The following AGBL4 variants were observed in gnomAD, a reference collection of about 807,000 sequenced individuals.
AGBL4 encodes the protein cytosolic carboxypeptidase 6.
A neutral mutation model predicts 66.4 loss-of-function variants in AGBL4; 58 were observed. The observed-to-expected ratio is 0.87, with a 90% CI of 0.71 to 1.09. The LOEUF (loss-of-function observed/expected upper bound fraction) is 1.09, where lower values mean the gene tolerates loss of function less well. Ranked by LOEUF, AGBL4 falls within the 50% of genes least tolerant of loss-of-function variation. The pLI is 0.00. For synonymous variants in AGBL4, 234 were observed against 222.9 expected (o/e 1.05, Z -0.44); for missense variants, 579 against 631.0 (o/e 0.92, Z 0.88).
intron 3 of AGBL4, among the ~76,000 whole-genome samples, chr1:49,641,588 T>C (rs532406488): frequency 6.6e-6 from 1 of 152,242 alleles, no homozygotes; most frequent in South Asian, 2.1e-4. Context: ...ACAGTGGTTA[T>C]ATGGTCAGAC....
intron 5 of AGBL4, among the ~76,000 whole-genome samples, chr1:49,006,210 T>C (rs900480581): frequency 6.6e-6 from 1 of 152,066 alleles, no homozygotes; most frequent in South Asian, 2.1e-4. Flanking sequence ...ATTGCCTCAC[T>C]CGGGAAGCGC....
intron 5 of AGBL4, among the ~76,000 whole-genome samples, chr1:48,998,587 T>C (rs1265172212): frequency 1.3e-5 from 2 of 152,186 alleles, no homozygotes; most frequent in African/African-American, 4.8e-5. Context: ...TGGGCTTTCT[T>C]TGTGAACTCT....
At chr1:48,845,994 G>A (rs778397141) in intron 6 of AGBL4, among the ~76,000 whole-genome samples, 3 of 152,156 alleles carry the variant, frequency 2.0e-5, no homozygotes, top group Admixed American at 6.5e-5. Flanking sequence ...ATCTGGTCTA[G>A]TGGAGGCCAA....
chr1:49,400,059 G>C (rs747258819), intron 3 of AGBL4, among the ~76,000 whole-genome samples: 1 of 152,028 alleles, frequency 6.6e-6, no homozygotes, highest in Non-Finnish European at 1.5e-5. Flanking sequence ...GATGAGACTG[G>C]TGAGATATGG....
At chr1:49,380,093 T>C (rs1644565481) in intron 3 of AGBL4, among the ~76,000 whole-genome samples, 1 of 152,148 alleles carries the variant, frequency 6.6e-6, no homozygotes, top group Non-Finnish European at 1.5e-5. Context: ...ATTGTATATC[T>C]AGAAAACCCC....
chr1:48,860,632 T>C (rs1647383870), intron 6 of AGBL4, among the ~76,000 whole-genome samples: 1 of 152,168 alleles, frequency 6.6e-6, no homozygotes. Context: ...ATTGTAGGTA[T>C]AGAGAGGTGA....
chr1:48,895,287 G>A (rs936376459), intron 5 of AGBL4, among the ~76,000 whole-genome samples: 1 of 152,190 alleles, frequency 6.6e-6, no homozygotes, highest in East Asian at 1.9e-4. Context: ...CTTGTTGACC[G>A]TCAGGCATGG....
chr1:49,786,640 G>C (rs750331799), intron 2 of AGBL4, among the ~76,000 whole-genome samples: 12 of 152,110 alleles, frequency 7.9e-5, no homozygotes, highest in Non-Finnish European at 1.6e-4. Context: ...GCCCTGAATT[G>C]TATCTTTACC....
Position 49,326,196 on chromosome 1 carries a change from T to G in AGBL4, c.283-80332A>C, listed in dbSNP as rs1052668666. Reference sequence around the variant, plus strand: ...CCAGGTCTGCAAGGAATAAATTTTCTGAGATTTTGTTTACTTTCATTTTTG... The same window carrying G: ...CCAGGTCTGCAAGGAATAAATTTTCGGAGATTTTGTTTACTTTCATTTTTG... On this transcript the variant is annotated intron_variant, in intron 3 of 13. Coordinates refer to ENST00000371839, the MANE Select transcript of AGBL4 (RefSeq NM_032785.4). Among the ~76,000 whole-genome samples the G allele has an allele frequency of 5.3e-5, 8 of 152,122 alleles. 1 individual carries two copies. In the South Asian group the frequency reaches 1.0e-3, roughly 20 times the overall value.
intron 3 of AGBL4, among the ~76,000 whole-genome samples, chr1:49,506,148 CT>C (rs1648663385): frequency 6.6e-6 from 1 of 151,832 alleles, no homozygotes; most frequent in African/African-American, 2.4e-5. Flanking sequence ...GGTCAGCGAA[CT>C]TTTTGTATAA....
At chr1:48,603,822 A>G (rs912633164) in intron 9 of AGBL4, among the ~76,000 whole-genome samples, 13 of 151,676 alleles carry the variant, frequency 8.6e-5, no homozygotes, top group African/African-American at 3.1e-4. Flanking sequence ...AGGGCTAGCT[A>G]GGACTGAGCG....
chr1:49,417,975 A>G (rs900278097), intron 3 of AGBL4, among the ~76,000 whole-genome samples: 4 of 152,160 alleles, frequency 2.6e-5, no homozygotes, highest in African/African-American at 4.8e-5. Flanking sequence ...TTACACCTAG[A>G]TTCATGTGTA....
At chr1:48,717,305 TCTGA>T (rs1308256825) in intron 6 of AGBL4, among the ~76,000 whole-genome samples, 1 of 152,226 alleles carries the variant, frequency 6.6e-6, no homozygotes, top group East Asian at 1.9e-4. Flanking sequence ...GTGTTTATAC[TCTGA>T]CTGTGCATGT....
chr1:48,551,148 C>A (rs978212017), intron 11 of AGBL4, among the ~76,000 whole-genome samples: 3 of 152,174 alleles, frequency 2.0e-5, no homozygotes, highest in African/African-American at 7.2e-5. Context: ...TCAGATCTGG[C>A]TTTCATGGCC....
At chr1:49,631,413 C>T (rs1191519170) in intron 3 of AGBL4, among the ~76,000 whole-genome samples, 1 of 152,098 alleles carries the variant, frequency 6.6e-6, no homozygotes, top group Non-Finnish European at 1.5e-5. Flanking sequence ...TGAAGGGCAT[C>T]AACAGAATTT....
At chr1:49,156,092 A>G (rs1425049387) in intron 4 of AGBL4, among the ~76,000 whole-genome samples, 4 of 152,194 alleles carry the variant, frequency 2.6e-5, no homozygotes, top group Non-Finnish European at 5.9e-5. Flanking sequence ...CACTGCAGCT[A>G]CAATAATCTA....
intron 1 of AGBL4, among the ~76,000 whole-genome samples, chr1:50,018,105 A>T (rs1420330349): frequency 1.3e-5 from 2 of 152,186 alleles, no homozygotes; most frequent in East Asian, 3.8e-4. Flanking sequence ...ATATTTATTT[A>T]GGAATTGACA....
At chr1:50,005,680 T>C (rs1183359420) in intron 1 of AGBL4, among the ~76,000 whole-genome samples, 2 of 152,220 alleles carry the variant, frequency 1.3e-5, no homozygotes, top group African/African-American at 4.8e-5. Flanking sequence ...TGACCAATTC[T>C]GGAGTCACAG....
At chr1:49,429,304 T>C (rs1231929116) in intron 3 of AGBL4, among the ~76,000 whole-genome samples, 2 of 152,234 alleles carry the variant, frequency 1.3e-5, no homozygotes, top group Admixed American at 1.3e-4. Flanking sequence ...TGTCTGGCAA[T>C]GATCCTGAGA....
Sources: allele counts gnomAD v4.1 joint callset (sites outside exome capture counted in the v4.1 genomes callset), GRCh38; gene constraint gnomAD v4.1.1; transcripts MANE v1.5; gene names NCBI Gene and HGNC (gene_info 2026-07-23, HGNC 2026-07-21).